The following SHISA9 variants were observed in gnomAD, a reference collection of about 807,000 sequenced individuals.
SHISA9 encodes shisa family member 9.
Under a neutral mutation model 38.0 loss-of-function variants are expected in SHISA9, and 13 were observed. The ratio of observed to expected loss-of-function variants is 0.34; its 90% CI spans 0.22 to 0.54. SHISA9 has a LOEUF of 0.54. SHISA9 is among the 20% of genes least tolerant of loss of function. SHISA9 has a pLI of 0.91. For missense variants in SHISA9, 538 were observed against 575.8 expected (o/e 0.93, Z 0.67); for synonymous variants, 275 against 242.0 (o/e 1.14, Z -1.27).
Position 12,916,793 on chromosome 16 carries a change from G to A in SHISA9, c.669G>A (p.Thr223=), listed in dbSNP as rs967269586. Reference sequence around the variant, plus strand: ...TCCAGCATTATGAGAACATGGACACGAGAACCCCCATAAATAATCTTCGTA... The same window carrying A: ...TCCAGCATTATGAGAACATGGACACAAGAACCCCCATAAATAATCTTCGTA... ...VHVQHYENMD[T]RTPINNLHAT... The change falls in exon 2 of 5, where the codon ACG becomes ACA. Residue 223 remains threonine, a synonymous_variant. Coordinates refer to ENST00000558583, the MANE Select transcript of SHISA9 (RefSeq NM_001145204.3). 3.0e-5 allele frequency: 46 copies of A among 1,551,826 alleles called. No individual in the cohort carries two copies. Among genetic ancestry groups the A allele is most frequent in the Non-Finnish European group, 3.6e-5 (41 of 1,147,002 alleles).
chr16:13,007,381 T>A (rs978448974), intron 2 of SHISA9, among the ~76,000 whole-genome samples: 1 of 152,120 alleles, frequency 6.6e-6, no homozygotes, highest in Non-Finnish European at 1.5e-5. Flanking sequence ...TCCTGAAGTT[T>A]CCATATATCA....
At chr16:13,385,947 A>C in the SHISA9 span, among the ~76,000 whole-genome samples, 119,185 of 152,150 alleles carry the variant, frequency 0.78, 46,844 homozygotes, top group East Asian at 0.96. Context: ...GAAATGACAA[A>C]ATTAGATGAG....
At chr16:13,206,302 T>C (rs2051063312) in intron 3 of SHISA9, among the ~76,000 whole-genome samples, 1 of 152,246 alleles carries the variant, frequency 6.6e-6, no homozygotes, top group Admixed American at 6.5e-5. Context: ...CCATATACTT[T>C]CTTTTATTAT....
rs1409709888 is a variant in SHISA9, at chr16:12,987,951, G to C, written c.691+71136G>C. 3.3e-5 allele frequency among the ~76,000 whole-genome samples: 5 copies of C among 152,156 alleles called. No homozygotes were observed. In the East Asian group the frequency reaches 9.6e-4, roughly 29 times the overall value. On this transcript the variant is annotated intron_variant, in intron 2 of 4. Coordinates refer to ENST00000558583, the MANE Select transcript of SHISA9 (RefSeq NM_001145204.3). ...TGTAAAGAAGCCATAATTCACCCCA[G>C]GGGGCTGGTCTCCAGTGTTCCTATT...
At chr16:13,046,956 CCT>C (rs1467748340) in intron 2 of SHISA9, among the ~76,000 whole-genome samples, 1 of 152,128 alleles carries the variant, frequency 6.6e-6, no homozygotes, top group Admixed American at 6.5e-5. Context: ...GCTCTTACCC[CCT>C]GTGTGCCTTG....
At chr16:12,945,032 G>A (rs1292085446) in intron 2 of SHISA9, among the ~76,000 whole-genome samples, 1 of 152,178 alleles carries the variant, frequency 6.6e-6, no homozygotes, top group Admixed American at 6.5e-5. Flanking sequence ...GAGCAAGGAA[G>A]CTGGGGGGCT....
intron 2 of SHISA9, among the ~76,000 whole-genome samples, chr16:12,971,601 C>G (rs574454118): frequency 6.6e-6 from 1 of 152,318 alleles, no homozygotes; most frequent in Non-Finnish European, 1.5e-5. Context: ...TTATAAATCT[C>G]CCTACTCACC....
intron 2 of SHISA9, among the ~76,000 whole-genome samples, chr16:12,950,644 C>T (rs1303289916): frequency 1.3e-5 from 2 of 151,410 alleles, no homozygotes; most frequent in Admixed American, 1.3e-4. Context: ...TGGAGTGTCA[C>T]TGTTGCCAGG....
the SHISA9 span, among the ~76,000 whole-genome samples, chr16:13,343,277 CTG>C: frequency 1.9e-4 from 29 of 152,296 alleles, no homozygotes; most frequent in Admixed American, 1.7e-3. Context: ...ATTCTTTTCT[CTG>C]AGAAATTATA....
At chr16:13,066,338 G>C (rs1338006275) in intron 2 of SHISA9, among the ~76,000 whole-genome samples, 1 of 152,154 alleles carries the variant, frequency 6.6e-6, no homozygotes, top group Admixed American at 6.5e-5. Flanking sequence ...TGATACAATA[G>C]CATCTTTTAT....
intron 2 of SHISA9, among the ~76,000 whole-genome samples, chr16:13,003,485 G>A (rs1283598499): frequency 6.6e-6 from 1 of 152,148 alleles, no homozygotes; most frequent in Non-Finnish European, 1.5e-5. Flanking sequence ...AACTCAACCT[G>A]TTCAGCGGGC....
At chr16:13,264,012 C>T in the SHISA9 span, among the ~76,000 whole-genome samples, 9 of 152,002 alleles carry the variant, frequency 5.9e-5, no homozygotes, top group South Asian at 2.1e-4. Flanking sequence ...GAATTTTATC[C>T]GCAAGGTTAT....
At chr16:13,018,368 A>G (rs186352868) in intron 2 of SHISA9, among the ~76,000 whole-genome samples, 78 of 152,360 alleles carry the variant, frequency 5.1e-4, no homozygotes, top group African/African-American at 1.8e-3. Context: ...CGCAATGGCC[A>G]GTGAAGACCA....
At chr16:13,210,610 G>T (rs917375733) in intron 3 of SHISA9, among the ~76,000 whole-genome samples, 1 of 152,118 alleles carries the variant, frequency 6.6e-6, no homozygotes, top group African/African-American at 2.4e-5. Flanking sequence ...AACCCTAAAA[G>T]CCATACATGA....
the SHISA9 span, among the ~76,000 whole-genome samples, chr16:13,517,623 T>G: frequency 6.6e-6 from 1 of 152,168 alleles, no homozygotes; most frequent in South Asian, 2.1e-4. Context: ...TTTTCTCCCC[T>G]TCTCCTTATA....
At chr16:13,345,360 G>T in the SHISA9 span, among the ~76,000 whole-genome samples, 3 of 152,116 alleles carry the variant, frequency 2.0e-5, no homozygotes, top group African/African-American at 7.2e-5. Context: ...TGTGGTATTT[G>T]GTTTTCTGTT....
chr16:13,299,733 A>C, the SHISA9 span, among the ~76,000 whole-genome samples: 9 of 151,802 alleles, frequency 5.9e-5, no homozygotes, highest in South Asian at 2.1e-4. Context: ...AACAAAAAAA[A>C]CCCGACAATT....
intron 2 of SHISA9, among the ~76,000 whole-genome samples, chr16:12,967,322 C>T (rs1198031896): frequency 6.6e-6 from 1 of 152,084 alleles, no homozygotes; most frequent in Admixed American, 6.5e-5. Flanking sequence ...AAAAACCAAA[C>T]ACCGCATGTT....
intron 2 of SHISA9, among the ~76,000 whole-genome samples, chr16:13,149,622 C>A (rs80218827): frequency 0.058 from 8,886 of 152,080 alleles, 426 homozygotes; most frequent in East Asian, 0.22. Context: ...GTGGCTCTGA[C>A]ATTCAAAGAG....
Sources: gnomAD v4.1 joint callset for allele counts (sites outside exome capture counted in the v4.1 genomes callset) on GRCh38, gnomAD v4.1.1 for gene constraint, MANE v1.5 for transcripts, NCBI Gene and HGNC (gene_info 2026-07-23, HGNC 2026-07-21) for gene names.